The following AGPS variants were observed in gnomAD, a reference collection of about 807,000 sequenced individuals.
AGPS encodes alkyldihydroxyacetonephosphate synthase, peroxisomal.
Under a neutral mutation model 90.7 loss-of-function variants are expected in AGPS, and 26 were observed. The observed-to-expected ratio is 0.29, with a 90% confidence interval of 0.21 to 0.40. The LOEUF is 0.40. Ranked by LOEUF, AGPS falls within the 10% of genes least tolerant of loss-of-function variation. The pLI is 1.00. For missense variants in AGPS, 540 were observed against 816.1 expected (o/e 0.66, Z 4.12); for synonymous variants, 294 against 285.3 (o/e 1.03, Z -0.31).
intron 9 of AGPS, among the ~76,000 whole-genome samples, chr2:177,462,729 A>G (rs1451556788): frequency 2.0e-5 from 3 of 152,344 alleles, no homozygotes; most frequent in Admixed American, 1.3e-4. Context: ...AACAATTTAC[A>G]TAGTATTTAC....
chr2:177,413,302 T>A (rs1685677466), intron 1 of AGPS, among the ~76,000 whole-genome samples: 1 of 152,204 alleles, frequency 6.6e-6, no homozygotes, highest in East Asian at 1.9e-4. Context: ...TTGGTTTCAA[T>A]GCTAAAATGG....
intron 10 of AGPS, among the ~76,000 whole-genome samples, chr2:177,471,204 C>T (rs1687615569): frequency 6.6e-6 from 1 of 152,108 alleles, no homozygotes; most frequent in South Asian, 2.1e-4. Context: ...GCTACTTTGA[C>T]CTACCTGTGT....
At chr2:177,464,186 C>T (rs1340900947) in intron 9 of AGPS, among the ~76,000 whole-genome samples, 1 of 152,174 alleles carries the variant, frequency 6.6e-6, no homozygotes, top group African/African-American at 2.4e-5. Context: ...GGTACTCCTC[C>T]TGCCTCGGCC....
At chr2:177,484,417 C>T (rs1688035591) in intron 11 of AGPS, among the ~76,000 whole-genome samples, 2 of 151,890 alleles carry the variant, frequency 1.3e-5, no homozygotes, top group South Asian at 2.1e-4. Context: ...GATCTCGATG[C>T]GCTGCAACCT....
At chr2:177,531,662 T>C (rs990275429) in intron 19 of AGPS, among the ~76,000 whole-genome samples, 1 of 152,146 alleles carries the variant, frequency 6.6e-6, no homozygotes, top group Non-Finnish European at 1.5e-5. Flanking sequence ...AAAATTTATA[T>C]GGTAAGGAGA....
intron 12 of AGPS, among the ~76,000 whole-genome samples, chr2:177,494,736 C>G (rs1373873960): frequency 6.6e-6 from 1 of 152,192 alleles, no homozygotes; most frequent in South Asian, 2.1e-4. Flanking sequence ...CTTCTCTAGT[C>G]TTTACTGTGT....
rs1213772954 is a variant in AGPS, at chr2:177,436,966, T to C, written c.563-14T>C. 6.2e-7 allele frequency: 1 copy of C among 1,612,936 alleles called. No individual in the cohort carries two copies. The highest frequency in any genetic ancestry group is 1.7e-5 in the Admixed American group (1 of 59,934). On this transcript the variant is annotated splice_polypyrimidine_tract_variant and intron_variant, in intron 4 of 19. Transcript: ENST00000264167. Reference sequence around the variant, plus strand: ...GCTGTTTTTGTGTTTTTCTTTTTTTTAACCACAAAACAGGTCATTGTCTTC... The same window carrying C: ...GCTGTTTTTGTGTTTTTCTTTTTTTCAACCACAAAACAGGTCATTGTCTTC...
intron 1 of AGPS, among the ~76,000 whole-genome samples, chr2:177,412,406 A>C (rs1001899045): frequency 6.6e-6 from 1 of 152,148 alleles, no homozygotes; most frequent in African/African-American, 2.4e-5. Flanking sequence ...TCCCCAGGAA[A>C]ATTGAAAGCG....
At chr2:177,443,708 C>T (rs1395008698) in intron 7 of AGPS, among the ~76,000 whole-genome samples, 7 of 152,126 alleles carry the variant, frequency 4.6e-5, no homozygotes, top group Non-Finnish European at 8.8e-5. Flanking sequence ...GTAAGGTTCC[C>T]CATTAACCTA....
chr2:177,491,141 G>A (rs201271374), intron 11 of AGPS, among the ~76,000 whole-genome samples: 3 of 63,690 alleles, frequency 4.7e-5, no homozygotes, highest in South Asian at 4.7e-4. Flanking sequence ...GGTGTGAGCC[G>A]CCATACCCAG....
At chr2:177,457,681 G>T (rs1260070716) in intron 8 of AGPS, among the ~76,000 whole-genome samples, 1 of 152,166 alleles carries the variant, frequency 6.6e-6, no homozygotes, top group African/African-American at 2.4e-5. Flanking sequence ...TGAAATTGAG[G>T]CAGTAATTAA....
chr2:177,489,516 T>C (rs1317022818), intron 11 of AGPS, among the ~76,000 whole-genome samples: 3 of 152,218 alleles, frequency 2.0e-5, no homozygotes, highest in African/African-American at 7.2e-5. Context: ...AGTAAATTCC[T>C]GGTTGTAGCA....
chr2:177,454,440 G>T (rs1475120406), intron 8 of AGPS, among the ~76,000 whole-genome samples: 1 of 151,792 alleles, frequency 6.6e-6, no homozygotes, highest in Non-Finnish European at 1.5e-5. Flanking sequence ...TGAACATATA[G>T]AATACAGTTA....
intron 1 of AGPS, among the ~76,000 whole-genome samples, chr2:177,411,371 T>C (rs1178538541): frequency 6.6e-6 from 1 of 152,240 alleles, no homozygotes; most frequent in Non-Finnish European, 1.5e-5. Flanking sequence ...CAACACTGAA[T>C]AATTTATAGG....
At chr2:177,529,110 G>T (rs2079115091) in intron 19 of AGPS, among the ~76,000 whole-genome samples, 2 of 152,034 alleles carry the variant, frequency 1.3e-5, no homozygotes, top group South Asian at 4.1e-4. Context: ...ACCTGTCTCA[G>T]CCTCCCAAAG....
At chr2:177,501,151 GA>G (rs1397251894) in intron 14 of AGPS, among the ~76,000 whole-genome samples, 1 of 152,088 alleles carries the variant, frequency 6.6e-6, no homozygotes, top group African/African-American at 2.4e-5. Context: ...TAATTTCTAA[GA>G]AGGGCTTGTA....
intron 10 of AGPS, among the ~76,000 whole-genome samples, chr2:177,470,595 T>C (rs1687584952): frequency 6.6e-6 from 1 of 151,302 alleles, no homozygotes; most frequent in African/African-American, 2.4e-5. Context: ...TCCCAGCTAC[T>C]TGAGAGGCTG....
At chr2:177,430,601 G>A (rs572654920) in intron 2 of AGPS, among the ~76,000 whole-genome samples, 4 of 152,004 alleles carry the variant, frequency 2.6e-5, no homozygotes, top group South Asian at 2.1e-4. Flanking sequence ...TGGGGGTGGG[G>A]GTTCTTTTGG....
chr2:177,412,296 G>A (rs1294286703), intron 1 of AGPS, among the ~76,000 whole-genome samples: 1 of 152,082 alleles, frequency 6.6e-6, no homozygotes, highest in Non-Finnish European at 1.5e-5. Flanking sequence ...TGCACGCATG[G>A]GTGACTGTTG....
Sources: allele counts gnomAD v4.1 joint callset (sites outside exome capture counted in the v4.1 genomes callset), GRCh38; gene constraint gnomAD v4.1.1; transcripts MANE v1.5; gene names NCBI Gene and HGNC (gene_info 2026-07-23, HGNC 2026-07-21).